The following ZNF510 variants were observed in gnomAD, a reference collection of about 807,000 sequenced individuals.
The protein encoded by ZNF510 is zinc finger protein 510.
Under a neutral mutation model 18.1 loss-of-function variants are expected in ZNF510, and 15 were observed. The ratio of observed to expected loss-of-function variants is 0.83; its 90% CI spans 0.55 to 1.28. The LOEUF is 1.28. Among genes scored for constraint, ZNF510 ranks in the 50% most tolerant of loss-of-function variants. The probability of loss-of-function intolerance (pLI) is 0.00; values close to 1 mark genes in which losing one functional copy is unlikely to be tolerated. For synonymous variants in ZNF510, 261 were observed against 266.4 expected, an observed-to-expected ratio of 0.98 and a Z score of 0.20; for missense variants, 724 against 791.8, an observed-to-expected ratio of 0.91 and a Z score of 1.03.
chr9:96,760,732 G>A (rs1849327303), intron 5 of ZNF510, among the ~76,000 whole-genome samples: 1 of 135,938 alleles, frequency 7.4e-6, no homozygotes, highest in African/African-American at 3.8e-5. Context: ...TAACTGGATA[G>A]ATAGAGGAAA....
chr9:96,762,124 C>A (rs1408650697), intron 5 of ZNF510, among the ~76,000 whole-genome samples: 3 of 148,782 alleles, frequency 2.0e-5, no homozygotes, highest in African/African-American at 5.0e-5. Flanking sequence ...GTGATGGGTG[C>A]ATCAGAATCT....
chr9:96,772,723 T>C (rs1052180986), intron 3 of ZNF510, among the ~76,000 whole-genome samples: 2 of 152,164 alleles, frequency 1.3e-5, no homozygotes, highest in Non-Finnish European at 2.9e-5. Flanking sequence ...AACAAAAAGA[T>C]TGATAATAAC....
intron 3 of ZNF510, among the ~76,000 whole-genome samples, chr9:96,769,593 A>G (rs1365754064): frequency 6.6e-6 from 1 of 152,178 alleles, no homozygotes; most frequent in African/African-American, 2.4e-5. Context: ...ATTGGACTTC[A>G]TCACAATTAA....
rs150546526 is a variant in ZNF510, at chr9:96,759,664, G to C, written c.1166C>G (p.Ser389Trp). The C allele has an allele frequency of 3.7e-6, 6 of 1,613,364 alleles. No homozygotes were observed. Among genetic ancestry groups the C allele is most frequent in the Non-Finnish European group, 5.1e-6 (6 of 1,179,936 alleles). Residue 389 changes from serine to tryptophan, a missense_variant, in exon 6 of 6, where the codon TCG becomes TGG. By Grantham distance (177) the Ser-to-Trp change is radical. Transcript: ENST00000223428. ...YHENKKSYQT[S>W]VHRVRRRSHS... Reference sequence around the variant, plus strand: ...ACTTCTTCGGCGAACTCTGTGAACCGACGTCTGGTAGGATTTCTTATTTTC... The same window carrying C: ...ACTTCTTCGGCGAACTCTGTGAACCCACGTCTGGTAGGATTTCTTATTTTC...
At chr9:96,768,008 A>G (rs1849510243) in intron 3 of ZNF510, among the ~76,000 whole-genome samples, 1 of 152,180 alleles carries the variant, frequency 6.6e-6, no homozygotes, top group South Asian at 2.1e-4. Flanking sequence ...AATAAAAAGT[A>G]CTATATACCA....
chr9:96,775,421 GTCT>G (rs1345316141), intron 2 of ZNF510, among the ~76,000 whole-genome samples: 5 of 152,064 alleles, frequency 3.3e-5, no homozygotes, highest in Admixed American at 2.0e-4. Flanking sequence ...TAAAATGTAT[GTCT>G]TCTTTGACTA....
intron 3 of ZNF510, among the ~76,000 whole-genome samples, chr9:96,771,352 T>C (rs753498146): frequency 6.6e-6 from 1 of 151,606 alleles, no homozygotes; most frequent in Middle Eastern, 3.4e-3. Context: ...TTCAGCTCTT[T>C]AACAGACTAA....
At chr9:96,775,516 G>A (rs1222271166) in intron 2 of ZNF510, among the ~76,000 whole-genome samples, 1 of 152,168 alleles carries the variant, frequency 6.6e-6, no homozygotes, top group Non-Finnish European at 1.5e-5. Flanking sequence ...AAAAGGAGAT[G>A]CTGAAAGACT....
At position 96,778,027 on chromosome 9, in the gene ZNF510, C is replaced by T. The variant is rs1190861375; in HGVS notation, c.-177+7G>A. 1 of 152,374 alleles carries T rather than the reference C, an allele frequency of 6.6e-6. No individual in the cohort carries two copies. Among genetic ancestry groups the T allele is most frequent in the Non-Finnish European group, 1.5e-5 (1 of 68,158 alleles). 9.4% of individuals were successfully genotyped at this position (152,374 alleles called of 1,614,324 possible). A position where few individuals can be genotyped will look rare whatever the true frequency, so the allele number is the denominator to read the frequency against. ...CCGCAATCCGCGTGGAGGCCCGGCG[C>T]TCTCACCTGAGCTGCGAACCCTCTG... On this transcript the variant is annotated splice_region_variant and intron_variant, in intron 1 of 5. Coordinates refer to ENST00000223428, the MANE Select transcript of ZNF510 (RefSeq NM_014930.3).
chr9:96,763,468 T>C (rs1849402913), intron 4 of ZNF510, 38 bp downstream of exon 4: 16 of 1,567,732 alleles, frequency 1.0e-5, no homozygotes, highest in Non-Finnish European at 1.4e-5. Flanking sequence ...ATACCTTCTA[T>C]ATGGAGTTAC....
intron 3 of ZNF510, among the ~76,000 whole-genome samples, chr9:96,767,332 A>C (rs1027542771): frequency 1.3e-5 from 2 of 151,374 alleles, no homozygotes; most frequent in Admixed American, 6.6e-5. Flanking sequence ...TGTCTCAAAA[A>C]AACAAAACAA....
chr9:96,768,115 T>A (rs1227179083), intron 3 of ZNF510, among the ~76,000 whole-genome samples: 1 of 152,118 alleles, frequency 6.6e-6, no homozygotes, highest in Non-Finnish European at 1.5e-5. Context: ...AGAAAACAAG[T>A]CACACGATCA....
chr9:96,760,198 G>T lies in ZNF510; in HGVS notation c.632C>A (p.Pro211His). ...IGCGNVCENS[P>H]FKINFEKTQT... is the part of the protein sequence containing the mutation. ...AGTTTTCTCAAAGTTAATTTTGAAA[G>T]GTGAATTCTCACATACATTACCGCA... Residue 211 changes from proline (P) to histidine (H), a missense_variant, in exon 6 of 6, where the codon CCT becomes CAT. Pro to His is a moderately conservative substitution (Grantham distance 77). Transcript: ENST00000223428. 5.6e-6 allele frequency: 9 copies of T among 1,613,060 alleles called. No homozygotes were observed. Among genetic ancestry groups the T allele is most frequent in the Non-Finnish European group, 7.6e-6 (9 of 1,179,604 alleles).
At chr9:96,763,799 G>A in intron 3 of ZNF510, 167 bp from the exon 4 acceptor site, 1 of 708,304 alleles carries the variant, frequency 1.4e-6, no homozygotes, top group Non-Finnish European at 2.1e-6. Context: ...TATTAAATTG[G>A]TAAAAGTTTT....
chr9:96,760,444 T>C lies in ZNF510; in HGVS notation c.386A>G (p.Asn129Ser), dbSNP rs2117937287. The change falls in exon 6 of 6, where the codon AAC becomes AGC. Residue 129 changes from asparagine to serine, a missense_variant. Physicochemically the swap from Asn to Ser is conservative, Grantham distance 46. Transcript: ENST00000223428. ...CAAGTGTTTGTCTTTGATTTTCTTG[T>C]TCTGCTTGATCAGGTCATCACCTCT... ...DYRGDDLIKQNKKIKDKHLEQ... is the reference protein window; with the variant it reads ...DYRGDDLIKQSKKIKDKHLEQ... The C allele has an allele frequency of 6.2e-7, 1 of 1,611,282 alleles. No homozygotes were observed. The highest frequency in any genetic ancestry group is 1.1e-5 in the South Asian group (1 of 90,780).
rs1362746378 is a variant in ZNF510 at position 96,758,794 on chromosome 9, T to C, written c.2036A>G (p.Glu679Gly). 2 of 1,584,962 alleles carry C rather than the reference T, an allele frequency of 1.3e-6. No homozygotes were observed. The highest frequency in any genetic ancestry group is 1.7e-6 in the Non-Finnish European group (2 of 1,165,678). The change falls in exon 6 of 6, where the codon GAG becomes GGG. Residue 679 changes from glutamate to glycine, a missense_variant. Transcript: ENST00000223428. ...TLSLYQKIQG[E>G]GNPY ...GTTATTACATCAATAGGGATTCCCC[T>C]CTCCCTGAATTTTCTGGTATAAGCT...
intron 3 of ZNF510, 126 bp downstream of exon 3, chr9:96,774,662 C>T: frequency 1.2e-6 from 1 of 853,652 alleles, no homozygotes; most frequent in Non-Finnish European, 1.8e-6. Flanking sequence ...TTCTGCTGTG[C>T]TACTGCCCTG....
rs952532286 is a variant in ZNF510 at position 96,778,036 on chromosome 9, G to C, written c.-179C>G. 3 of 152,368 alleles carry C rather than the reference G, an allele frequency of 2.0e-5. No individual in the cohort carries two copies. Among genetic ancestry groups the C allele is most frequent in the African/African-American group, 7.2e-5 (3 of 41,468 alleles). 9.4% of individuals were successfully genotyped at this position (152,368 alleles called of 1,614,324 possible). A position where few individuals can be genotyped will look rare whatever the true frequency, so the allele number is the denominator to read the frequency against. The stretch of plus-strand genomic sequence containing the variant: ...GCGTGGAGGCCCGGCGCTCTCACCT[G>C]AGCTGCGAACCCTCTGCACCAGCAA... On this transcript the variant is annotated splice_region_variant and 5_prime_UTR_variant, in exon 1 of 6. Transcript: ENST00000223428.
Position 96,759,253 on chromosome 9 carries a change from C to A in ZNF510, c.1577G>T (p.Gly526Val). Residue 526 changes from glycine to valine, a missense_variant, in exon 6 of 6, where the codon GGC (glycine) becomes GTC (valine). By Grantham distance (109) the Gly-to-Val change is moderately radical (BLOSUM62 -3). Coordinates refer to ENST00000223428, the MANE Select transcript of ZNF510 (RefSeq NM_014930.3). The stretch of plus-strand genomic sequence containing the variant: ...ATGTATTCTGAGGTTTGACTTCTGG[C>A]CAAATGTTTTTCCACATTGATTGCA... ...FQCNQCGKTF[G>V]QKSNLRIHQR... 2.5e-6 allele frequency: 4 copies of A among 1,613,826 alleles called. No individual in the cohort carries two copies. Among genetic ancestry groups the A allele is most frequent in the Non-Finnish European group, 3.4e-6 (4 of 1,179,972 alleles).
Sources: allele counts gnomAD v4.1 joint callset (sites outside exome capture counted in the v4.1 genomes callset), GRCh38; gene constraint gnomAD v4.1.1; transcripts MANE v1.5; gene names NCBI Gene and HGNC (gene_info 2026-07-23, HGNC 2026-07-21).